ERBB4: variants seen among roughly 807,000 people sequenced by gnomAD.
The protein encoded by ERBB4 is receptor tyrosine-protein kinase erbB-4.
Under a neutral mutation model 158.0 loss-of-function variants are expected in ERBB4, and 42 were observed. The ratio of observed to expected loss-of-function variants is 0.27; its 90% confidence interval spans 0.21 to 0.34. ERBB4 has a LOEUF of 0.34. Ranked by LOEUF, ERBB4 falls within the 10% of genes least tolerant of loss-of-function variation. ERBB4 has a pLI of 1.00. For synonymous variants in ERBB4, 583 were observed against 558.7 expected (o/e 1.04, Z -0.61); for missense variants, 1,333 against 1,624.1 (o/e 0.82, Z 3.08).
At chr2:212,069,947 T>C (rs1002076620) in intron 2 of ERBB4, among the ~76,000 whole-genome samples, 8 of 147,034 alleles carry the variant, frequency 5.4e-5, no homozygotes, top group African/African-American at 2.0e-4. Flanking sequence ...GTAAGAACCA[T>C]GTCTTAAAAA....
chr2:212,140,389 C>A (rs1355984816), intron 1 of ERBB4, among the ~76,000 whole-genome samples: 1 of 119,668 alleles, frequency 8.4e-6, no homozygotes, highest in African/African-American at 4.9e-5. Flanking sequence ...GTTTATGTAT[C>A]TATAGTAATA....
intron 3 of ERBB4, among the ~76,000 whole-genome samples, chr2:211,834,445 T>A (rs1406391471): frequency 6.6e-6 from 1 of 151,750 alleles, no homozygotes; most frequent in Non-Finnish European, 1.5e-5. Context: ...TGTAAGATCT[T>A]TCGTGTAAAT....
chr2:212,381,494 T>C (rs1383492871), intron 1 of ERBB4, among the ~76,000 whole-genome samples: 1 of 151,342 alleles, frequency 6.6e-6, no homozygotes, highest in Non-Finnish European at 1.5e-5. Flanking sequence ...AGACATTACT[T>C]TTTCCATGTT....
At chr2:212,276,029 T>C (rs2085520920) in intron 1 of ERBB4, among the ~76,000 whole-genome samples, 1 of 151,790 alleles carries the variant, frequency 6.6e-6, no homozygotes, top group African/African-American at 2.4e-5. Flanking sequence ...CTCAGATAAG[T>C]GGACCCATGC....
chr2:211,477,313 T>TTC (rs146542040), intron 20 of ERBB4, among the ~76,000 whole-genome samples: 7 of 144,150 alleles, frequency 4.9e-5, no homozygotes, highest in Non-Finnish European at 8.9e-5. Flanking sequence ...CTCTCTCTCT[T>TTC]TCTCTCTCTC....
intron 2 of ERBB4, among the ~76,000 whole-genome samples, chr2:212,037,920 A>T (rs2077052174): frequency 1.3e-5 from 2 of 152,190 alleles, no homozygotes; most frequent in Admixed American, 6.5e-5. Context: ...GCACTACAAC[A>T]GAGAATGATT....
intron 1 of ERBB4, among the ~76,000 whole-genome samples, chr2:212,291,860 A>G (rs1284837172): frequency 6.6e-6 from 1 of 152,042 alleles, no homozygotes; most frequent in Non-Finnish European, 1.5e-5. Flanking sequence ...TATTTTTCAA[A>G]AATATTTTAT....
At chr2:211,809,525 T>C (rs932569466) in intron 3 of ERBB4, among the ~76,000 whole-genome samples, 1 of 152,094 alleles carries the variant, frequency 6.6e-6, no homozygotes, top group Non-Finnish European at 1.5e-5. Flanking sequence ...TCTGTGGGAT[T>C]GGTGGTGATA....
chr2:211,917,112 C>T (rs899782041), intron 3 of ERBB4, among the ~76,000 whole-genome samples: 1 of 152,238 alleles, frequency 6.6e-6, no homozygotes, highest in Non-Finnish European at 1.5e-5. Context: ...AAATATTCTA[C>T]GGGGAACAGG....
chr2:211,498,152 TAA>T (rs1295801497), intron 20 of ERBB4, among the ~76,000 whole-genome samples: 1 of 152,086 alleles, frequency 6.6e-6, no homozygotes, highest in African/African-American at 2.4e-5. Context: ...TTTAGTATTC[TAA>T]GTCTACAGTG....
intron 1 of ERBB4, among the ~76,000 whole-genome samples, chr2:212,243,333 G>A (rs551282010): frequency 6.6e-6 from 1 of 152,262 alleles, no homozygotes; most frequent in African/African-American, 2.4e-5. Context: ...ATATTGGGAG[G>A]TTATTATTTC....
At chr2:212,459,536 C>T (rs1349708302) in intron 1 of ERBB4, among the ~76,000 whole-genome samples, 1 of 152,090 alleles carries the variant, frequency 6.6e-6, no homozygotes, top group Non-Finnish European at 1.5e-5. Context: ...AAGCAGTCTA[C>T]ATGTTCAATA....
chr2:211,946,713 AT>A (rs1261001558), intron 3 of ERBB4, among the ~76,000 whole-genome samples: 4 of 150,782 alleles, frequency 2.7e-5, no homozygotes, highest in Non-Finnish European at 5.9e-5. Flanking sequence ...ATGAAGTAAA[AT>A]TCATTATACC....
chr2:211,623,958 T>G lies in ERBB4; in HGVS notation c.2166A>C (p.Lys722Asn), dbSNP rs1422888414. The change falls in exon 18 of 28, where the codon AAA becomes AAC. Residue 722 changes from lysine (K) to asparagine (N), a missense_variant. Transcript: ENST00000342788. ...ILKETELKRV[K>N]VLGSGAFGTV... is the part of the protein sequence containing the mutation. ...TTCCAAAAGCACCTGAGCCAAGGAC[T>G]TTTACCCTCTTCAGCTCAGTTTCTT... 6.2e-7 allele frequency: 1 copy of G among 1,614,130 alleles called. No individual in the cohort carries two copies. Among genetic ancestry groups the G allele is most frequent in the Non-Finnish European group, 8.5e-7 (1 of 1,179,970 alleles).
intron 14 of ERBB4, among the ~76,000 whole-genome samples, chr2:211,667,879 T>C (rs1416275489): frequency 6.6e-6 from 1 of 152,172 alleles, no homozygotes; most frequent in Non-Finnish European, 1.5e-5. Context: ...AAATAACTTT[T>C]TGTTCTTTGT....
At chr2:211,710,056 A>G (rs1427930796) in intron 9 of ERBB4, among the ~76,000 whole-genome samples, 1 of 152,132 alleles carries the variant, frequency 6.6e-6, no homozygotes, top group Non-Finnish European at 1.5e-5. Flanking sequence ...TTTCTTTTAA[A>G]ATTACAACTA....
intron 3 of ERBB4, among the ~76,000 whole-genome samples, chr2:211,946,413 T>C (rs2080691896): frequency 6.6e-6 from 1 of 151,928 alleles, no homozygotes; most frequent in African/African-American, 2.4e-5. Context: ...AACTGCTTAA[T>C]TTTTCAATGT....
At chr2:212,040,126 A>T (rs1342547769) in intron 2 of ERBB4, among the ~76,000 whole-genome samples, 1 of 152,042 alleles carries the variant, frequency 6.6e-6, no homozygotes, top group Non-Finnish European at 1.5e-5. Flanking sequence ...AAATATTTTA[A>T]CTGAGAATTC....
chr2:212,011,753 G>T (rs374270011), intron 2 of ERBB4, among the ~76,000 whole-genome samples: 2 of 105,552 alleles, frequency 1.9e-5, no homozygotes, highest in African/African-American at 7.1e-5. Context: ...CTGTCTCAAA[G>T]AAAAAAAAAA....
Sources: allele counts gnomAD v4.1 joint callset (sites outside exome capture counted in the v4.1 genomes callset), GRCh38; gene constraint gnomAD v4.1.1; transcripts MANE v1.5; gene names NCBI Gene and HGNC (gene_info 2026-07-23, HGNC 2026-07-21).